CCT3: variants seen among roughly 807,000 people sequenced by gnomAD.
CCT3 encodes the protein chaperonin containing TCP1 subunit 3.
CCT3 carries 10 observed loss-of-function variants against 65.3 expected under a neutral mutation model. That is an observed-to-expected ratio of 0.15 (90% CI 0.09 to 0.26). The LOEUF (loss-of-function observed/expected upper bound fraction) is 0.26, where lower values mean the gene tolerates loss of function less well. Among genes scored for constraint, CCT3 ranks in the 10% least tolerant of loss-of-function variants. The probability of loss-of-function intolerance (pLI) is 1.00; values close to 1 mark genes in which losing one functional copy is unlikely to be tolerated. For missense variants in CCT3, 626 were observed against 708.7 expected, an observed-to-expected ratio of 0.88 and a Z score of 1.33; for synonymous variants, 225 against 242.3, an observed-to-expected ratio of 0.93 and a Z score of 0.66.
chr1:156,316,353 T>C (rs978568781), intron 10 of CCT3, among the ~76,000 whole-genome samples: 1 of 152,128 alleles, frequency 6.6e-6, no homozygotes, highest in African/African-American at 2.4e-5. Flanking sequence ...CTAGAACCAA[T>C]GCCCTGTGGA....
chr1:156,336,485 A>G (rs1570940496), intron 1 of CCT3, among the ~76,000 whole-genome samples: 1 of 152,244 alleles, frequency 6.6e-6, no homozygotes, highest in Non-Finnish European at 1.5e-5. Context: ...TTTAGAACAC[A>G]CTCAACAGTT....
intron 6 of CCT3, among the ~76,000 whole-genome samples, chr1:156,323,280 A>C (rs530277351): frequency 2.2e-4 from 33 of 149,866 alleles, no homozygotes; most frequent in Middle Eastern, 6.9e-3. Flanking sequence ...ATTGCACTCC[A>C]GACTGGGCAA....
At chr1:156,334,484 G>A (rs1309155505) in intron 4 of CCT3, among the ~76,000 whole-genome samples, 2 of 152,074 alleles carry the variant, frequency 1.3e-5, no homozygotes, top group South Asian at 4.1e-4. Flanking sequence ...AGGGAGAAGC[G>A]GAGTTCTTCC....
chr1:156,334,701 A>G lies in CCT3; in HGVS notation c.207+12T>C. 6.2e-7 allele frequency: 1 copy of G among 1,613,084 alleles called. No homozygotes were observed. Among genetic ancestry groups the G allele is most frequent in the Non-Finnish European group, 8.5e-7 (1 of 1,179,396 alleles). ...CAGAAAGCAAAAAAACAAAACCAAA[A>G]ACAAAACACACCTCTCGAAGAATGG... is the stretch of plus-strand genomic sequence containing the variant. On this transcript the variant is annotated intron_variant, in intron 4 of 13. Transcript: ENST00000295688.
intron 6 of CCT3, among the ~76,000 whole-genome samples, chr1:156,322,103 G>A (rs143600646): frequency 5.8e-4 from 89 of 152,294 alleles, no homozygotes; most frequent in African/African-American, 1.4e-3. Context: ...TTAGCAGGGC[G>A]TGGTGGACAT....
At chr1:156,322,811 A>G (rs564884628) in intron 6 of CCT3, among the ~76,000 whole-genome samples, 45 of 152,244 alleles carry the variant, frequency 3.0e-4, no homozygotes, top group African/African-American at 1.1e-3. Context: ...GTGAGCTGAG[A>G]TCCAGCTATT....
intron 6 of CCT3, among the ~76,000 whole-genome samples, chr1:156,321,561 T>C (rs1393472123): frequency 6.6e-6 from 1 of 152,238 alleles, no homozygotes; most frequent in Non-Finnish European, 1.5e-5. Context: ...CCTCACAAGA[T>C]ATTTTCACAT....
chr1:156,331,633 A>G (rs1665099081), intron 5 of CCT3, among the ~76,000 whole-genome samples: 1 of 151,780 alleles, frequency 6.6e-6, no homozygotes, highest in African/African-American at 2.4e-5. Flanking sequence ...CAGTGAACTG[A>G]GATTGCGCCA....
chr1:156,329,366 T>C (rs1338071921), intron 5 of CCT3, among the ~76,000 whole-genome samples: 3 of 145,870 alleles, frequency 2.1e-5, no homozygotes, highest in African/African-American at 7.6e-5. Context: ...AGTGCAGTGG[T>C]GTGATCTGGG....
intron 1 of CCT3, chr1:156,337,055 G>A (rs1665416293): frequency 7.8e-7 from 1 of 1,283,056 alleles, no homozygotes; most frequent in South Asian, 1.2e-5. Context: ...AGGTACAGAA[G>A]TTACACACAG....
At chr1:156,316,143 G>C (rs973380947) in intron 10 of CCT3, among the ~76,000 whole-genome samples, 1 of 151,756 alleles carries the variant, frequency 6.6e-6, no homozygotes, top group Non-Finnish European at 1.5e-5. Flanking sequence ...ATAATACAAC[G>C]GCAAAAAATA....
At chr1:156,327,591 T>C (rs1008322443) in intron 5 of CCT3, among the ~76,000 whole-genome samples, 2 of 152,188 alleles carry the variant, frequency 1.3e-5, no homozygotes, top group African/African-American at 4.8e-5. Context: ...GTTCACTCAG[T>C]GCTCAATGGT....
At chr1:156,327,679 G>A (rs1244901531) in intron 5 of CCT3, among the ~76,000 whole-genome samples, 1 of 151,926 alleles carries the variant, frequency 6.6e-6, no homozygotes, top group African/African-American at 2.4e-5. Context: ...CTCCCAAAGA[G>A]CCGAGATTGC....
intron 6 of CCT3, among the ~76,000 whole-genome samples, chr1:156,323,594 A>T (rs1329494845): frequency 6.6e-6 from 1 of 151,534 alleles, no homozygotes; most frequent in Non-Finnish European, 1.5e-5. Context: ...CCTCCCAAGT[A>T]GCTGGGACTA....
chr1:156,329,682 T>C (rs1252959455), intron 5 of CCT3, among the ~76,000 whole-genome samples: 1 of 150,020 alleles, frequency 6.7e-6, no homozygotes. Context: ...CTCACGTCTG[T>C]AATCCCAGCA....
At position 156,312,076 on chromosome 1, in the gene CCT3, T is replaced by G; in HGVS notation, c.1120A>C (p.Ile374Leu). 1 of 1,611,862 alleles carries G rather than the reference T, an allele frequency of 6.2e-7. No individual in the cohort carries two copies. The highest frequency in any genetic ancestry group is 8.5e-7 in the Non-Finnish European group (1 of 1,179,022). The change falls in exon 11 of 14, where the codon ATT becomes CTT. Residue 374 changes from isoleucine (I) to leucine (L), a missense_variant. Coordinates refer to ENST00000295688, the MANE Select transcript of CCT3 (RefSeq NM_005998.5). ...TCTTTGCTAGCCCCCCGGAGGAGAA[T>G]GGTGCAGGCCTTGGGGTCTTTGCAG... Reference protein sequence around the residue: ...TDCKDPKACTILLRGASKEIL... With the variant: ...TDCKDPKACTLLLRGASKEIL...
At chr1:156,326,667 GAAAAAGA>G in intron 5 of CCT3, among the ~76,000 whole-genome samples, 1 of 100,052 alleles carries the variant, frequency 1.0e-5, no homozygotes, top group Non-Finnish European at 2.2e-5. Context: ...AAAAAAAAAA[GAAAAAGA>G]AAAAAAAAAG....
At chr1:156,315,862 A>C (rs943328751) in intron 10 of CCT3, among the ~76,000 whole-genome samples, 2 of 152,170 alleles carry the variant, frequency 1.3e-5, no homozygotes, top group Non-Finnish European at 2.9e-5. Flanking sequence ...CAACTAGAGA[A>C]TTAGAACCTG....
In CCT3 at chr1:156,320,233, C is replaced by T. The variant is rs182773098; in HGVS notation, c.609+606G>A. Among the ~76,000 whole-genome samples, 108 of 151,924 alleles carry T rather than the reference C, an allele frequency of 7.1e-4. 4 individuals are homozygous for T. In the East Asian group the frequency reaches 0.02, roughly 28 times the overall value. ...CATCCTGGCTAACATGGTGAAACCC[C>T]GTCTCTACTTAAAATACAAAAAGAA... is the stretch of plus-strand genomic sequence containing the variant. On this transcript the variant is annotated intron_variant, in intron 7 of 13. Transcript: ENST00000295688.
Sources: allele counts gnomAD v4.1 joint callset (sites outside exome capture counted in the v4.1 genomes callset), GRCh38; gene constraint gnomAD v4.1.1; transcripts MANE v1.5; gene names NCBI Gene and HGNC (gene_info 2026-07-23, HGNC 2026-07-21).